Variants in HSBP1 observed in about 807,000 individuals in gnomAD.
The protein encoded by HSBP1 is heat shock factor binding protein 1, also known as heat shock factor-binding protein 1.
A neutral mutation model predicts 9.6 loss-of-function variants in HSBP1; 5 were observed. That is an observed-to-expected ratio of 0.52 (90% CI 0.27 to 1.09). HSBP1 has a LOEUF of 1.09. Among genes scored for constraint, HSBP1 ranks in the 50% least tolerant of loss-of-function variants. The pLI is 0.11. For synonymous variants in HSBP1, 42 were observed against 33.3 expected (o/e 1.26, Z -0.90); for missense variants, 121 against 96.3 (o/e 1.26, Z -1.07).
At chr16:83,808,261 G>A in intron 1 of HSBP1, 140 bp downstream of exon 1, 2 of 750,372 alleles carry the variant, frequency 2.7e-6, no homozygotes, top group Non-Finnish European at 4.2e-6. Flanking sequence ...TCTGGCCGAG[G>A]CTCCCGGCCA....
intron 1 of HSBP1, 44 bp downstream of exon 1, chr16:83,808,165 C>A: frequency 6.6e-7 from 1 of 1,510,238 alleles, no homozygotes; most frequent in Non-Finnish European, 9.0e-7. Flanking sequence ...CCTTCCCGGG[C>A]GGCGCCGGGC....
chr16:83,817,947 G>C lies in HSBP1; in HGVS notation c.*6529G>C, dbSNP rs913100348. 7 of 152,180 alleles carry C rather than the reference G, an allele frequency of 4.6e-5. No individual in the cohort carries two copies. Among genetic ancestry groups the C allele is most frequent in the African/African-American group, 1.7e-4 (7 of 41,450 alleles). 9.4% of individuals were successfully genotyped at this position (152,180 alleles called of 1,614,324 possible). A position where few individuals can be genotyped will look rare whatever the true frequency, so the allele number is the denominator to read the frequency against. On this transcript the variant is annotated 3_prime_UTR_variant, in exon 4 of 4. Coordinates refer to ENST00000433866, the MANE Select transcript of HSBP1 (RefSeq NM_001537.4). Reference sequence around the variant, plus strand: ...TCAAAAGAAATCAGCCTTTCCCTTTGATAGGTATCTCTCCTGCAAGCCAGG... The same window carrying C: ...TCAAAAGAAATCAGCCTTTCCCTTTCATAGGTATCTCTCCTGCAAGCCAGG...
At position 83,811,571 on chromosome 16, in the gene HSBP1, T is replaced by G. The variant is rs546511294; in HGVS notation, c.*153T>G. 6.6e-6 allele frequency: 1 copy of G among 152,356 alleles called. No homozygotes were observed. Among genetic ancestry groups the G allele is most frequent in the South Asian group, 2.1e-4 (1 of 4,830 alleles). 9.4% of individuals were successfully genotyped at this position (152,356 alleles called of 1,614,324 possible). A position where few individuals can be genotyped will look rare whatever the true frequency, so the allele number is the denominator to read the frequency against. On this transcript the variant is annotated 3_prime_UTR_variant, in exon 4 of 4. Coordinates refer to ENST00000433866, the MANE Select transcript of HSBP1 (RefSeq NM_001537.4). The stretch of plus-strand genomic sequence containing the variant: ...GTATATAGTTAGTTTGTAGAGTGAT[T>G]TCCCCCCAGTTTCTTGAACATGGTA...
In HSBP1 at chr16:83,819,374, G is replaced by A. The variant is rs757385211; in HGVS notation, c.*7956G>A. On this transcript the variant is annotated 3_prime_UTR_variant, in exon 4 of 4. Coordinates refer to ENST00000433866, the MANE Select transcript of HSBP1 (RefSeq NM_001537.4). ...TCCCATGCTGGGAGTCTCAGGCCTG[G>A]GCTAGTCCTAAAATAATTGAAAAGG... is the stretch of plus-strand genomic sequence containing the variant. The A allele has an allele frequency of 6.6e-6, 1 of 151,956 alleles. No homozygotes were observed. Among genetic ancestry groups the A allele is most frequent in the Non-Finnish European group, 1.5e-5 (1 of 68,000 alleles). The allele number at this position is 151,956 out of a possible 1,614,324, so 9.4% of individuals were successfully genotyped here.
rs1234278795 is a variant in HSBP1 at position 83,817,666 on chromosome 16, C to T, written c.*6248C>T. 1 of 152,182 alleles carries T rather than the reference C, an allele frequency of 6.6e-6. No individual in the cohort carries two copies. Among genetic ancestry groups the T allele is most frequent in the African/African-American group, 2.4e-5 (1 of 41,444 alleles). The allele number at this position is 152,182 out of a possible 1,614,324, so 9.4% of individuals were successfully genotyped here. ...TAAGTGTTTACAGAAAGAAACTTTA[C>T]ATATTAAATATCTTAAAGGTCTTTT... On this transcript the variant is annotated 3_prime_UTR_variant, in exon 4 of 4. Transcript: ENST00000433866.
At position 83,812,665 on chromosome 16, in the gene HSBP1, G is replaced by C. The variant is rs1904626923; in HGVS notation, c.*1247G>C. ...CAAATTACATGGGGAACATAAAGGA[G>C]TGAGATCCTTCTGTGATAAAATGAA... On this transcript the variant is annotated 3_prime_UTR_variant, in exon 4 of 4. Coordinates refer to ENST00000433866, the MANE Select transcript of HSBP1 (RefSeq NM_001537.4). 1 of 152,208 alleles carries C rather than the reference G, an allele frequency of 6.6e-6. No homozygotes were observed. The highest frequency in any genetic ancestry group is 1.5e-5 in the Non-Finnish European group (1 of 68,058). 9.4% of individuals were successfully genotyped at this position (152,208 alleles called of 1,614,324 possible).
intron 1 of HSBP1, 61 bp downstream of exon 1, chr16:83,808,182 C>G (rs1475193639): frequency 7.0e-7 from 1 of 1,426,298 alleles, no homozygotes; most frequent in Non-Finnish European, 9.5e-7. Context: ...GGGCCAAGCC[C>G]TGCTGGACAG....
chr16:83,809,113 C>T (rs2151030343), intron 2 of HSBP1, 192 bp from the exon 3 acceptor site: 1 of 566,836 alleles, frequency 1.8e-6, no homozygotes, highest in East Asian at 2.9e-5. Flanking sequence ...TAGTAAGGGT[C>T]AGGGCTGGAA....
chr16:83,811,496 A>G lies in HSBP1; in HGVS notation c.*78A>G, dbSNP rs1193947607. 6.6e-6 allele frequency: 1 copy of G among 152,220 alleles called. No homozygotes were observed. The highest frequency in any genetic ancestry group is 2.4e-5 in the African/African-American group (1 of 41,454). 9.4% of individuals were successfully genotyped at this position (152,220 alleles called of 1,614,324 possible). A position where few individuals can be genotyped will look rare whatever the true frequency, so the allele number is the denominator to read the frequency against. On this transcript the variant is annotated 3_prime_UTR_variant, in exon 4 of 4. Coordinates refer to ENST00000433866, the MANE Select transcript of HSBP1 (RefSeq NM_001537.4). ...ATCGAATGGCTTTTTGCAGCTAACT[A>G]CTATGTGTAGACAGGTTTTATATTA...
At position 83,808,740 on chromosome 16, in the gene HSBP1, G is replaced by A; in HGVS notation, c.106G>A (p.Gly36Arg). 6.2e-7 allele frequency: 1 copy of A among 1,609,970 alleles called. No individual in the cohort carries two copies. The highest frequency in any genetic ancestry group is 8.5e-7 in the Non-Finnish European group (1 of 1,176,886). Residue 36 changes from glycine to arginine, a missense_variant, in exon 2 of 4, where the codon GGG (glycine) becomes AGG (arginine). Gly to Arg is a moderately radical substitution (Grantham distance 125). Transcript: ENST00000433866. Reference protein sequence around the residue: ...KFQTMSDQIIGRIDDMSSRID... With the variant: ...KFQTMSDQIIRRIDDMSSRID... Reference sequence around the variant, plus strand: ...TCAGACCATGTCTGACCAGATCATTGGGAGAAATATCCTTTTTATCTGCAG... The same window carrying A: ...TCAGACCATGTCTGACCAGATCATTAGGAGAAATATCCTTTTTATCTGCAG...
chr16:83,808,721 C>G lies in HSBP1; in HGVS notation c.87C>G (p.Thr29=), dbSNP rs769628392. 5 of 1,611,966 alleles carry G rather than the reference C, an allele frequency of 3.1e-6. No homozygotes were observed. The African/African-American group carries it at 4.0e-5, about 13-fold the overall frequency. The change falls in exon 2 of 4, where the codon ACC becomes ACG. Residue 29 remains threonine (T), a synonymous_variant. Coordinates refer to ENST00000433866, the MANE Select transcript of HSBP1 (RefSeq NM_001537.4). ...LLQQMQDKFQ[T]MSDQIIGRID... Reference sequence around the variant, plus strand: ...AGCAGATGCAAGATAAATTTCAGACCATGTCTGACCAGATCATTGGGAGAA... The same window carrying G: ...AGCAGATGCAAGATAAATTTCAGACGATGTCTGACCAGATCATTGGGAGAA...
At chr16:83,811,116 C>T (rs1308600924) in intron 3 of HSBP1, among the ~76,000 whole-genome samples, 1 of 152,108 alleles carries the variant, frequency 6.6e-6, no homozygotes, top group Non-Finnish European at 1.5e-5. Context: ...TTCTGTGGGT[C>T]TCTTTTTATA....
chr16:83,812,142 G>A lies in HSBP1; in HGVS notation c.*724G>A, dbSNP rs1439177386. ...TTTTGCATGAGATTCTAATACTTCA[G>A]TAGGACCCTACCTACGTGGTTCATC... On this transcript the variant is annotated 3_prime_UTR_variant, in exon 4 of 4. Transcript: ENST00000433866. 2.0e-5 allele frequency: 3 copies of A among 152,574 alleles called. No individual in the cohort carries two copies. The highest frequency in any genetic ancestry group is 4.4e-5 in the Non-Finnish European group (3 of 68,038). The allele number at this position is 152,574 out of a possible 1,614,324, so 9.5% of individuals were successfully genotyped here.
rs563338508 is a variant in HSBP1, at chr16:83,816,964, C to G, written c.*5546C>G. On this transcript the variant is annotated 3_prime_UTR_variant, in exon 4 of 4. Transcript: ENST00000433866. ...AGATGTAACTTCTAGATTATAAACA[C>G]TGGTAACACTGGAGATGGTTAAATC... 1.7e-4 allele frequency: 26 copies of G among 152,338 alleles called. No homozygotes were observed. Among genetic ancestry groups the G allele is most frequent in the African/African-American group, 5.5e-4 (23 of 41,572 alleles). 9.4% of individuals were successfully genotyped at this position (152,338 alleles called of 1,614,324 possible).
At position 83,819,704 on chromosome 16, in the gene HSBP1, A is replaced by G. The variant is rs1218297991; in HGVS notation, c.*8286A>G. On this transcript the variant is annotated 3_prime_UTR_variant, in exon 4 of 4. Coordinates refer to ENST00000433866, the MANE Select transcript of HSBP1 (RefSeq NM_001537.4). The stretch of plus-strand genomic sequence containing the variant: ...TTACCAGAAGGATAAGTTATTCAGT[A>G]TGGAGATTATTTATTAAAAACTAGT... 1.3e-5 allele frequency: 2 copies of G among 152,242 alleles called. No individual in the cohort carries two copies. Among genetic ancestry groups the G allele is most frequent in the East Asian group, 3.8e-4 (2 of 5,202 alleles). The allele number at this position is 152,242 out of a possible 1,614,324, so 9.4% of individuals were successfully genotyped here.
At chr16:83,808,886 T>C (rs886281413) in intron 2 of HSBP1, 140 bp downstream of exon 2, 1 of 672,138 alleles carries the variant, frequency 1.5e-6, no homozygotes, top group Non-Finnish European at 2.5e-6. Flanking sequence ...ACTGTGTTTC[T>C]GAGAAGGACT....
At position 83,815,708 on chromosome 16, in the gene HSBP1, CCAAAG is replaced by C. The variant is rs1414245317; in HGVS notation, c.*4293_*4297del. On this transcript the variant is annotated 3_prime_UTR_variant, in exon 4 of 4. Coordinates refer to ENST00000433866, the MANE Select transcript of HSBP1 (RefSeq NM_001537.4). ...GTCTCATCAACAGAGCTTCATTTTACCAAAGCATATGTAGACACCACATACATGAA... is the reference window on the plus strand; with the variant it reads ...GTCTCATCAACAGAGCTTCATTTTACCATATGTAGACACCACATACATGAA... The C allele has an allele frequency of 5.9e-5, 9 of 152,064 alleles. No individual in the cohort carries two copies. Among genetic ancestry groups the C allele is most frequent in the Non-Finnish European group, 1.5e-5 (1 of 68,022 alleles). The allele number at this position is 152,064 out of a possible 1,614,324, so 9.4% of individuals were successfully genotyped here.
rs530490165 is a variant in HSBP1 at position 83,812,967 on chromosome 16, T to C, written c.*1549T>C. On this transcript the variant is annotated 3_prime_UTR_variant, in exon 4 of 4. Transcript: ENST00000433866. ...CTGCCCTGACCAAAAATATCTGCCA[T>C]GAATAAAGGTGCCTGAAATCCTGCT... is the stretch of plus-strand genomic sequence containing the variant. The C allele has an allele frequency of 3.9e-5, 6 of 152,320 alleles. No individual in the cohort carries two copies. In the East Asian group the frequency reaches 1.2e-3, roughly 29 times the overall value. The allele number at this position is 152,320 out of a possible 1,614,324, so 9.4% of individuals were successfully genotyped here. A position where few individuals can be genotyped will look rare whatever the true frequency, so the allele number is the denominator to read the frequency against.
chr16:83,812,300 A>G lies in HSBP1; in HGVS notation c.*882A>G, dbSNP rs1180270011. 1 of 152,514 alleles carries G rather than the reference A, an allele frequency of 6.6e-6. No homozygotes were observed. 9.4% of individuals were successfully genotyped at this position (152,514 alleles called of 1,614,324 possible). A position where few individuals can be genotyped will look rare whatever the true frequency, so the allele number is the denominator to read the frequency against. ...TCCATGCCAGTTGCTTGGCTAGAAT[A>G]TGATCAACGACTTGTAGTAGACTCA... On this transcript the variant is annotated 3_prime_UTR_variant, in exon 4 of 4. Transcript: ENST00000433866.
Sources: gnomAD v4.1 joint callset for allele counts (sites outside exome capture counted in the v4.1 genomes callset) on GRCh38, gnomAD v4.1.1 for gene constraint, MANE v1.5 for transcripts, NCBI Gene and HGNC (gene_info 2026-07-23, HGNC 2026-07-21) for gene names.